ENTREP2: variants seen among roughly 807,000 people sequenced by gnomAD.
ENTREP2 encodes protein ENTREP2.
the ENTREP2 span, among the ~76,000 whole-genome samples, chr15:29,338,057 C>CT: frequency 4.6e-5 from 7 of 152,056 alleles, no homozygotes; most frequent in Non-Finnish European, 8.8e-5. Flanking sequence ...TCATATGTAT[C>CT]TATATCATCA....
At chr15:29,212,295 TTG>T in the ENTREP2 span, among the ~76,000 whole-genome samples, 2 of 152,216 alleles carry the variant, frequency 1.3e-5, no homozygotes, top group African/African-American at 4.8e-5. Context: ...GAATGATCTT[TTG>T]TGTTTCAGTG....
chr15:29,265,090 A>T, the ENTREP2 span: 37 of 152,300 alleles, frequency 2.4e-4, no homozygotes, highest in African/African-American at 8.4e-4. Flanking sequence ...ATCTCTAAGC[A>T]AGCTAGGACT....
At chr15:29,311,009 C>T in the ENTREP2 span, among the ~76,000 whole-genome samples, 2 of 139,438 alleles carry the variant, frequency 1.4e-5, no homozygotes, top group Admixed American at 1.4e-4. Flanking sequence ...TGTGAGATCT[C>T]CACAGTAATT....
At chr15:29,137,899 A>G in the ENTREP2 span, among the ~76,000 whole-genome samples, 1 of 152,068 alleles carries the variant, frequency 6.6e-6, no homozygotes, top group Non-Finnish European at 1.5e-5. Flanking sequence ...ATGAGAAAAC[A>G]CTAGACCCTC....
chr15:29,548,483 C>T, the ENTREP2 span, among the ~76,000 whole-genome samples: 64,590 of 147,760 alleles, frequency 0.44, 15,184 homozygotes, highest in African/African-American at 0.61. Flanking sequence ...AGATGGTAAA[C>T]TTTATGTTAC....
chr15:29,503,484 G>A, the ENTREP2 span, among the ~76,000 whole-genome samples: 1 of 152,076 alleles, frequency 6.6e-6, no homozygotes, highest in East Asian at 1.9e-4. Flanking sequence ...TCTTTTTGGG[G>A]TGATGGAAAT....
At chr15:29,239,971 G>A in the ENTREP2 span, among the ~76,000 whole-genome samples, 1 of 152,194 alleles carries the variant, frequency 6.6e-6, no homozygotes, top group Non-Finnish European at 1.5e-5. Context: ...GCTGTCGGGT[G>A]TTTCTCATGC....
At chr15:29,214,225 A>G in the ENTREP2 span, among the ~76,000 whole-genome samples, 1 of 152,220 alleles carries the variant, frequency 6.6e-6, no homozygotes, top group South Asian at 2.1e-4. Flanking sequence ...TGCTGCTATA[A>G]AGACACATGC....
the ENTREP2 span, among the ~76,000 whole-genome samples, chr15:29,453,923 C>A: frequency 6.6e-6 from 1 of 152,218 alleles, no homozygotes; most frequent in Non-Finnish European, 1.5e-5. Flanking sequence ...CAATTTTCAA[C>A]TATGATAAGT....
At chr15:29,631,472 A>T in the ENTREP2 span, among the ~76,000 whole-genome samples, 1 of 152,184 alleles carries the variant, frequency 6.6e-6, no homozygotes, top group Non-Finnish European at 1.5e-5. Flanking sequence ...CTGAGTTTTC[A>T]GAGCCCCTGT....
At chr15:29,126,508 A>G in the ENTREP2 span, 19 of 1,548,628 alleles carry the variant, frequency 1.2e-5, no homozygotes, top group South Asian at 1.8e-4. Flanking sequence ...GAGAAGGGAC[A>G]TGGCATTAGA....
chr15:29,672,772 G>A, the ENTREP2 span, among the ~76,000 whole-genome samples: 2 of 152,082 alleles, frequency 1.3e-5, no homozygotes, highest in Non-Finnish European at 2.9e-5. Context: ...TGGGTTGGGG[G>A]GGTTGGAAAA....
chr15:29,570,664 G>A, the ENTREP2 span: 1 of 1,292,310 alleles, frequency 7.7e-7, no homozygotes, highest in Non-Finnish European at 9.8e-7. Context: ...CGCGCAGGCG[G>A]GACAGGCTGC....
chr15:29,211,211 T>C, the ENTREP2 span, among the ~76,000 whole-genome samples: 5 of 152,182 alleles, frequency 3.3e-5, no homozygotes, highest in African/African-American at 7.2e-5. Context: ...ATTTGTCCTA[T>C]AGTAAAATGA....
chr15:29,615,177 A>T, the ENTREP2 span, among the ~76,000 whole-genome samples: 3 of 145,712 alleles, frequency 2.1e-5, no homozygotes, highest in Non-Finnish European at 4.5e-5. Context: ...TTTTTTTGAG[A>T]CGGAGTCTCC....
the ENTREP2 span, among the ~76,000 whole-genome samples, chr15:29,582,659 TA>T: frequency 1.1e-4 from 17 of 152,152 alleles, no homozygotes; most frequent in Middle Eastern, 3.4e-3. Flanking sequence ...TTTATTTTAT[TA>T]TTTTTTTTTG....
chr15:29,169,267 A>T, the ENTREP2 span, among the ~76,000 whole-genome samples: 1 of 151,964 alleles, frequency 6.6e-6, no homozygotes, highest in Non-Finnish European at 1.5e-5. Flanking sequence ...TTTGGCTTTA[A>T]CCTAAATTTA....
At chr15:29,430,875 CTG>C in the ENTREP2 span, among the ~76,000 whole-genome samples, 1 of 152,170 alleles carries the variant, frequency 6.6e-6, no homozygotes, top group Non-Finnish European at 1.5e-5. Context: ...TCCAATGAAA[CTG>C]TGCTAGAGAT....
chr15:29,467,078 C>G, the ENTREP2 span, among the ~76,000 whole-genome samples: 1 of 151,296 alleles, frequency 6.6e-6, no homozygotes, highest in African/African-American at 2.4e-5. Flanking sequence ...TGCTGATGGC[C>G]CCAGGGGAGG....
Sources: gnomAD v4.1 joint callset for allele counts (sites outside exome capture counted in the v4.1 genomes callset) on GRCh38, gnomAD v4.1.1 for gene constraint, MANE v1.5 for transcripts, NCBI Gene and HGNC (gene_info 2026-07-23, HGNC 2026-07-21) for gene names.